Variants in STK3 observed in about 807,000 individuals in gnomAD.
The protein encoded by STK3 is serine/threonine kinase 3.
STK3 carries 41 observed loss-of-function variants against 58.0 expected under a neutral mutation model. The ratio of observed to expected loss-of-function variants is 0.71; its 90% CI spans 0.55 to 0.92. STK3 has a LOEUF of 0.92. Among genes scored for constraint, STK3 ranks in the 40% least tolerant of loss-of-function variants. The pLI is 0.00. For missense variants in STK3, 479 were observed against 602.7 expected (o/e 0.79, Z 2.15); for synonymous variants, 170 against 191.0 (o/e 0.89, Z 0.91).
intron 2 of STK3, among the ~76,000 whole-genome samples, chr8:98,769,490 G>A (rs1312667393): frequency 6.6e-6 from 1 of 152,194 alleles, no homozygotes; most frequent in East Asian, 1.9e-4. Context: ...CCATGATTGT[G>A]AGGCCTCCCT....
Position 98,670,167 on chromosome 8 carries a change from G to A in STK3, c.684+36300C>T, listed in dbSNP as rs1158114333. On this transcript the variant is annotated intron_variant, in intron 6 of 10. Coordinates refer to ENST00000419617, the MANE Select transcript of STK3 (RefSeq NM_006281.4). ...GTGGATTGCTTGAGTCCAAGAGTTC[G>A]AGACCAGCCTGGGCAACATGGTGAA... 3.9e-5 allele frequency among the ~76,000 whole-genome samples: 6 copies of A among 152,070 alleles called. No homozygotes were observed. In the East Asian group the frequency reaches 7.7e-4, roughly 20 times the overall value.
At chr8:98,692,110 A>C (rs1824455301) in intron 6 of STK3, among the ~76,000 whole-genome samples, 1 of 152,208 alleles carries the variant, frequency 6.6e-6, no homozygotes, top group African/African-American at 2.4e-5. Flanking sequence ...ATTAGCAAAG[A>C]AAAACAACAG....
chr8:98,638,231 C>T (rs1162190672), intron 6 of STK3, among the ~76,000 whole-genome samples: 4 of 152,126 alleles, frequency 2.6e-5, no homozygotes, highest in African/African-American at 4.8e-5. Flanking sequence ...AAAAAGTACT[C>T]AAAAGAAACT....
intron 6 of STK3, among the ~76,000 whole-genome samples, chr8:98,694,063 A>G (rs1429286736): frequency 6.6e-6 from 1 of 152,130 alleles, no homozygotes; most frequent in Non-Finnish European, 1.5e-5. Flanking sequence ...ACTTTTTGAT[A>G]TGCACTATAA....
In STK3 at chr8:98,436,836, CTTCAGGGG is replaced by C. The variant is rs1818508947; in HGVS notation, n.291+259_291+266del. 3 of 152,256 alleles carry C rather than the reference CTTCAGGGG, an allele frequency of 2.0e-5. No individual in the cohort carries two copies. The South Asian group carries it at 6.2e-4, about 31-fold the overall frequency. The allele number at this position is 152,256 out of a possible 1,614,324, so 9.4% of individuals were successfully genotyped here. A position where few individuals can be genotyped will look rare whatever the true frequency, so the allele number is the denominator to read the frequency against. Reference sequence around the variant, plus strand: ...TCAGACCACTCATGGGGAAACACTACTTCAGGGGTGCCCCTTGCAGTAGTGCCTCTGTC... The same window carrying C: ...TCAGACCACTCATGGGGAAACACTACTGCCCCTTGCAGTAGTGCCTCTGTC... On this transcript the variant is annotated intron_variant and non_coding_transcript_variant, in intron 2 of 3. Transcript: ENST00000517832.
At chr8:98,739,158 G>A (rs546286079) in intron 4 of STK3, among the ~76,000 whole-genome samples, 79 of 152,358 alleles carry the variant, frequency 5.2e-4, no homozygotes, top group Middle Eastern at 3.4e-3. Context: ...CCACCTCTGG[G>A]GGCAGGGCAC....
intron 3 of STK3, among the ~76,000 whole-genome samples, chr8:98,851,375 A>C (rs1297132981): frequency 6.6e-6 from 1 of 152,206 alleles, no homozygotes; most frequent in African/African-American, 2.4e-5. Flanking sequence ...TCTTGTGGCA[A>C]GGTCATGGTT....
intron 6 of STK3, among the ~76,000 whole-genome samples, chr8:98,703,426 A>G (rs1414030064): frequency 1.3e-5 from 2 of 152,198 alleles, no homozygotes; most frequent in Admixed American, 6.5e-5. Context: ...AAAAACTTCA[A>G]TATTTCACTC....
At chr8:98,815,675 A>C (rs1834498869) in intron 1 of STK3, among the ~76,000 whole-genome samples, 1 of 152,250 alleles carries the variant, frequency 6.6e-6, no homozygotes, top group African/African-American at 2.4e-5. Context: ...GGCATTTAAA[A>C]GAAAAAAAAA....
At chr8:98,595,337 T>G (rs761095101) in intron 7 of STK3, 5 of 151,846 alleles carry the variant, frequency 3.3e-5, no homozygotes, top group Admixed American at 6.6e-5. Flanking sequence ...TTTAACCCAA[T>G]GGTTCCTTTA....
intron 1 of STK3, among the ~76,000 whole-genome samples, chr8:98,923,165 G>A (rs2132014746): frequency 6.6e-6 from 1 of 152,270 alleles, no homozygotes; most frequent in Middle Eastern, 3.4e-3. Flanking sequence ...GAAGCAAAAT[G>A]TATACTTGCT....
intron 10 of STK3, among the ~76,000 whole-genome samples, chr8:98,508,284 G>C (rs1824247097): frequency 1.3e-5 from 2 of 152,078 alleles, no homozygotes; most frequent in African/African-American, 4.8e-5. Flanking sequence ...TATTATCATA[G>C]GTGGCAAATT....
At chr8:98,562,810 G>A (rs1812164997) in intron 8 of STK3, among the ~76,000 whole-genome samples, 1 of 149,932 alleles carries the variant, frequency 6.7e-6, no homozygotes, top group Admixed American at 6.7e-5. Context: ...TACTTGGGAG[G>A]TTGAGGCAGG....
chr8:98,696,316 A>C (rs574202337), intron 6 of STK3, among the ~76,000 whole-genome samples: 71 of 152,102 alleles, frequency 4.7e-4, no homozygotes, highest in Middle Eastern at 6.8e-3. Flanking sequence ...GGACAATTTG[A>C]CTTCCTCTTT....
downstream of STK3, among the ~76,000 whole-genome samples, chr8:98,371,160 T>C (rs1323737389): frequency 6.6e-6 from 1 of 152,178 alleles, no homozygotes; most frequent in Non-Finnish European, 1.5e-5. Context: ...TTGTTATTCA[T>C]TGCATCCCCA....
At chr8:98,850,894 G>A (rs567258916) in intron 3 of STK3, among the ~76,000 whole-genome samples, 25 of 152,256 alleles carry the variant, frequency 1.6e-4, no homozygotes, top group African/African-American at 5.3e-4. Flanking sequence ...CAAGAAGATT[G>A]TCCAAGAGAT....
At chr8:98,879,590 C>T (rs1837718720), downstream of STK3, 1 of 152,214 alleles carries the variant, frequency 6.6e-6, no homozygotes, top group South Asian at 2.1e-4. Context: ...ATACCTGCCA[C>T]AAAACCTAAA....
intron 7 of STK3, among the ~76,000 whole-genome samples, chr8:98,582,947 T>C (rs1297817322): frequency 6.6e-6 from 1 of 152,168 alleles, no homozygotes; most frequent in Non-Finnish European, 1.5e-5. Flanking sequence ...CATACAATGC[T>C]ATATTAATAT....
intron 6 of STK3, among the ~76,000 whole-genome samples, chr8:98,657,148 A>C (rs1251791970): frequency 1.3e-5 from 2 of 151,974 alleles, no homozygotes; most frequent in African/African-American, 2.4e-5. Context: ...CTTCTATAAT[A>C]TATACATAAC....
Sources: gnomAD v4.1 joint callset for allele counts (sites outside exome capture counted in the v4.1 genomes callset) on GRCh38, gnomAD v4.1.1 for gene constraint, MANE v1.5 for transcripts, NCBI Gene and HGNC (gene_info 2026-07-23, HGNC 2026-07-21) for gene names.